Variants in TMTC2 observed in about 807,000 individuals in gnomAD.
TMTC2 encodes the protein protein O-mannosyl-transferase TMTC2.
TMTC2 carries 43 observed loss-of-function variants against 82.4 expected under a neutral mutation model. The observed-to-expected ratio is 0.52, with a 90% CI of 0.41 to 0.67. TMTC2 has a LOEUF of 0.67. Among genes scored for constraint, TMTC2 ranks in the 30% least tolerant of loss-of-function variants. The pLI, the probability that TMTC2 is intolerant of heterozygous loss-of-function variation, is 0.00. For synonymous variants in TMTC2, 408 were observed against 381.9 expected, an observed-to-expected ratio of 1.07 and a Z score of -0.80; for missense variants, 919 against 1,012.4, an observed-to-expected ratio of 0.91 and a Z score of 1.25.
chr12:82,804,893 G>A (rs1879172234), intron 1 of TMTC2, among the ~76,000 whole-genome samples: 1 of 152,128 alleles, frequency 6.6e-6, no homozygotes, highest in Non-Finnish European at 1.5e-5. Flanking sequence ...AGAAATGCTT[G>A]TTCCCTGGTG....
At chr12:82,964,395 T>G (rs56792191) in intron 4 of TMTC2, among the ~76,000 whole-genome samples, 140 of 152,218 alleles carry the variant, frequency 9.2e-4, no homozygotes, top group African/African-American at 3.3e-3. Context: ...AAGATGTTTT[T>G]CAGAACAGTG....
chr12:82,985,506 C>T (rs1485718001), intron 7 of TMTC2, among the ~76,000 whole-genome samples: 1 of 151,958 alleles, frequency 6.6e-6, no homozygotes, highest in African/African-American at 2.4e-5. Flanking sequence ...CTTATAGTTC[C>T]TTTATAAGGC....
At chr12:82,884,108 G>C (rs1872970827) in intron 2 of TMTC2, among the ~76,000 whole-genome samples, 2 of 152,126 alleles carry the variant, frequency 1.3e-5, no homozygotes, top group South Asian at 2.1e-4. Flanking sequence ...ACCCCTTGCA[G>C]TTCCACTAAT....
At chr12:83,087,910 A>G (rs750246845) in intron 11 of TMTC2, among the ~76,000 whole-genome samples, 1 of 152,208 alleles carries the variant, frequency 6.6e-6, no homozygotes, top group Non-Finnish European at 1.5e-5. Flanking sequence ...CCCTCACAAG[A>G]CACACAGTCT....
chr12:83,087,114 C>T (rs573836392), intron 11 of TMTC2, among the ~76,000 whole-genome samples: 2 of 152,148 alleles, frequency 1.3e-5, no homozygotes, highest in Admixed American at 6.5e-5. Flanking sequence ...ATTCTAAGTC[C>T]TTTGTTATCA....
rs141954614 is a variant in TMTC2 at position 82,816,449 on chromosome 12, C to T, written c.84-40561C>T. On this transcript the variant is annotated intron_variant, in intron 1 of 11. Coordinates refer to ENST00000321196, the MANE Select transcript of TMTC2 (RefSeq NM_152588.3). The stretch of plus-strand genomic sequence containing the variant: ...ATTCTTTGGGGGGCCGCAGAATTTT[C>T]AGGAGACTGCCAGGGAGTCTCCAAA... Among the ~76,000 whole-genome samples the T allele has an allele frequency of 2.8e-3, 430 of 152,182 alleles. 3 individuals are homozygous for T. Among genetic ancestry groups the T allele is most frequent in the African/African-American group, 9.8e-3 (409 of 41,530 alleles).
intron 4 of TMTC2, among the ~76,000 whole-genome samples, chr12:82,937,544 G>A (rs987442825): frequency 7.2e-5 from 11 of 151,950 alleles, no homozygotes; most frequent in Non-Finnish European, 1.6e-4. Context: ...GAGGGGGTGA[G>A]GGGGACATAA....
At chr12:83,124,257 T>C (rs578136698) in intron 11 of TMTC2, among the ~76,000 whole-genome samples, 14 of 152,348 alleles carry the variant, frequency 9.2e-5, no homozygotes, top group South Asian at 4.1e-4. Context: ...TCAATAAATA[T>C]GTGTTAAATT....
chr12:82,965,450 C>G (rs921290385), intron 5 of TMTC2, 110 bp from the exon 6 acceptor site: 1 of 1,176,250 alleles, frequency 8.5e-7, no homozygotes, highest in Non-Finnish European at 1.2e-6. Context: ...GTATTTTTTT[C>G]TTTTTTAATG....
chr12:82,957,656 C>A (rs1288882056), intron 4 of TMTC2, among the ~76,000 whole-genome samples: 1 of 151,290 alleles, frequency 6.6e-6, no homozygotes, highest in Non-Finnish European at 1.5e-5. Flanking sequence ...AAAAGAGGGA[C>A]GATATTAGGT....
chr12:82,826,277 G>A (rs1375124815), intron 1 of TMTC2, among the ~76,000 whole-genome samples: 2 of 152,066 alleles, frequency 1.3e-5, no homozygotes, highest in Non-Finnish European at 2.9e-5. Context: ...AGATTAAAAG[G>A]GCAGTTACCA....
At chr12:82,809,960 C>T (rs1879415607) in intron 1 of TMTC2, among the ~76,000 whole-genome samples, 1 of 152,082 alleles carries the variant, frequency 6.6e-6, no homozygotes, top group African/African-American at 2.4e-5. Context: ...CCAAATTAGG[C>T]TGGTCCTTTC....
chr12:82,746,421 A>G (rs1875693916), intron 1 of TMTC2, among the ~76,000 whole-genome samples: 1 of 152,130 alleles, frequency 6.6e-6, no homozygotes, highest in Non-Finnish European at 1.5e-5. Flanking sequence ...AATTGAACAC[A>G]TATTTATGGG....
chr12:83,053,955 G>T (rs1204260655), intron 10 of TMTC2, among the ~76,000 whole-genome samples: 1 of 152,044 alleles, frequency 6.6e-6, no homozygotes, highest in Non-Finnish European at 1.5e-5. Flanking sequence ...TTGTTTTAGA[G>T]AACCACAGTA....
intron 2 of TMTC2, among the ~76,000 whole-genome samples, chr12:82,882,123 C>A (rs888242257): frequency 6.7e-6 from 1 of 148,446 alleles, no homozygotes. Context: ...CCTCAGCCTC[C>A]CAAGTAGCTG....
chr12:83,010,752 A>G (rs1565851423), intron 8 of TMTC2, among the ~76,000 whole-genome samples: 1 of 152,204 alleles, frequency 6.6e-6, no homozygotes, highest in Admixed American at 6.5e-5. Flanking sequence ...TTCGTGAGAT[A>G]TGCCATATAT....
chr12:82,871,760 A>C (rs185356733), intron 2 of TMTC2, among the ~76,000 whole-genome samples: 250 of 150,234 alleles, frequency 1.7e-3, no homozygotes, highest in African/African-American at 5.7e-3. Flanking sequence ...ATTTAGGTTT[A>C]GAGTCGGTGT....
intron 11 of TMTC2, among the ~76,000 whole-genome samples, chr12:83,103,163 G>C (rs1188373667): frequency 6.6e-6 from 1 of 152,162 alleles, no homozygotes; most frequent in Admixed American, 6.5e-5. Context: ...CCTGAGGATG[G>C]AGGTCCAATA....
rs186703729 is a variant in TMTC2 at position 82,983,758 on chromosome 12, T to A, written c.1949-2167T>A. Among the ~76,000 whole-genome samples, 825 of 152,156 alleles carry A rather than the reference T, an allele frequency of 5.4e-3. 3 individuals are homozygous for A. Among genetic ancestry groups the A allele is most frequent in the Non-Finnish European group, 8.4e-3 (573 of 67,916 alleles). ...GTTTGATTTTGTATGGGACCTGTAA[T>A]TTAGGCCCATATTCCATCTGGCTTT... On this transcript the variant is annotated intron_variant, in intron 7 of 11. Coordinates refer to ENST00000321196, the MANE Select transcript of TMTC2 (RefSeq NM_152588.3).
Sources: allele counts gnomAD v4.1 joint callset (sites outside exome capture counted in the v4.1 genomes callset), GRCh38; gene constraint gnomAD v4.1.1; transcripts MANE v1.5; gene names NCBI Gene and HGNC (gene_info 2026-07-23, HGNC 2026-07-21).